FILIP1: variants seen among roughly 807,000 people sequenced by gnomAD.
FILIP1 encodes filamin A interacting protein 1, also known as filamin-A-interacting protein 1.
In FILIP1, 61 loss-of-function variants were observed where a neutral mutation model predicts 102.1. That is an observed-to-expected ratio of 0.60 (90% CI 0.49 to 0.74). The LOEUF (loss-of-function observed/expected upper bound fraction) is 0.74. Ranked by LOEUF, FILIP1 falls within the 30% of genes least tolerant of loss-of-function variation. The probability of loss-of-function intolerance (pLI) is 0.00; values close to 1 mark genes in which losing one functional copy is unlikely to be tolerated. For missense variants in FILIP1, 1,314 were observed against 1,441.2 expected (o/e 0.91, Z 1.43); for synonymous variants, 491 against 526.9 (o/e 0.93, Z 0.93).
chr6:75,348,594 T>G (rs1378175822), intron 4 of FILIP1, among the ~76,000 whole-genome samples: 1 of 152,224 alleles, frequency 6.6e-6, no homozygotes, highest in African/African-American at 2.4e-5. Flanking sequence ...CAAGATGAGT[T>G]AAGCAATTCC....
intron 2 of FILIP1, among the ~76,000 whole-genome samples, chr6:75,365,449 C>T (rs1348386887): frequency 3.3e-5 from 5 of 152,182 alleles, no homozygotes; most frequent in African/African-American, 1.2e-4. Flanking sequence ...TGGCTCACTG[C>T]AACCTCCACC....
intron 3 of FILIP1, among the ~76,000 whole-genome samples, chr6:75,362,446 C>T (rs1170939825): frequency 1.3e-5 from 2 of 152,172 alleles, no homozygotes; most frequent in African/African-American, 4.8e-5. Flanking sequence ...CAAATTTTTA[C>T]ACATATCATT....
intron 1 of FILIP1, among the ~76,000 whole-genome samples, chr6:75,432,341 T>C (rs1777851551): frequency 6.6e-6 from 1 of 152,230 alleles, no homozygotes; most frequent in African/African-American, 2.4e-5. Flanking sequence ...TATTGTTTCA[T>C]TGTTACTGAG....
At chr6:75,334,162 C>G (rs1315244201) in intron 4 of FILIP1, among the ~76,000 whole-genome samples, 1 of 152,142 alleles carries the variant, frequency 6.6e-6, no homozygotes, top group Non-Finnish European at 1.5e-5. Flanking sequence ...GATACATTTA[C>G]AGTATATAGA....
At chr6:75,383,259 G>C (rs780399260) in intron 2 of FILIP1, among the ~76,000 whole-genome samples, 33 of 152,108 alleles carry the variant, frequency 2.2e-4, no homozygotes, top group Non-Finnish European at 4.4e-4. Context: ...CTCAACTCTG[G>C]TGGAAATAGC....
chr6:75,297,572 G>GT (rs1772717706), intron 6 of FILIP1, among the ~76,000 whole-genome samples: 1 of 151,804 alleles, frequency 6.6e-6, no homozygotes, highest in African/African-American at 2.4e-5. Flanking sequence ...AAACCATCTC[G>GT]TTTTTTTCAT....
In FILIP1 at chr6:75,308,435, A is replaced by G. The variant is rs544508334; in HGVS notation, c.*256T>C. 31 of 1,288,120 alleles carry G rather than the reference A, an allele frequency of 2.4e-5. No homozygotes were observed. In the East Asian group the frequency reaches 5.6e-4, roughly 23 times the overall value. The allele number at this position is 1,288,120 out of a possible 1,614,324, so 79.8% of individuals were successfully genotyped here. A position where few individuals can be genotyped will look rare whatever the true frequency, so the allele number is the denominator to read the frequency against. Reference sequence around the variant, plus strand: ...CTCAGATGGGTCTATTGATGGGTCCACTTGCTAGAAGCAAAACTGGAACTA... The same window carrying G: ...CTCAGATGGGTCTATTGATGGGTCCGCTTGCTAGAAGCAAAACTGGAACTA... On this transcript the variant is annotated 3_prime_UTR_variant, in exon 6 of 6. Coordinates refer to ENST00000237172, the MANE Select transcript of FILIP1 (RefSeq NM_015687.5).
At chr6:75,327,239 C>T (rs1773894144) in intron 4 of FILIP1, among the ~76,000 whole-genome samples, 1 of 152,160 alleles carries the variant, frequency 6.6e-6, no homozygotes, top group African/African-American at 2.4e-5. Context: ...CAAATCTTGT[C>T]AATTCTGCTT....
chr6:75,298,835 T>A (rs1043635575), intron 6 of FILIP1, among the ~76,000 whole-genome samples: 1 of 152,084 alleles, frequency 6.6e-6, no homozygotes, highest in African/African-American at 2.4e-5. Flanking sequence ...GGAGAATAGC[T>A]TGAATCCAGG....
intron 1 of FILIP1, among the ~76,000 whole-genome samples, chr6:75,431,795 C>T (rs1777831613): frequency 6.6e-6 from 1 of 152,122 alleles, no homozygotes; most frequent in Admixed American, 6.5e-5. Context: ...TACACTTCTG[C>T]TCCAAGGGAA....
At chr6:75,368,733 G>A (rs1217422296) in intron 2 of FILIP1, among the ~76,000 whole-genome samples, 1 of 152,198 alleles carries the variant, frequency 6.6e-6, no homozygotes, top group Non-Finnish European at 1.5e-5. Flanking sequence ...AGATTTAAAT[G>A]CATGGGATGG....
intron 1 of FILIP1, among the ~76,000 whole-genome samples, chr6:75,446,562 T>A (rs555959195): frequency 6.6e-6 from 1 of 152,298 alleles, no homozygotes; most frequent in South Asian, 2.1e-4. Flanking sequence ...GTGGCTTCTT[T>A]AGTGGTAAAC....
chr6:75,424,895 C>T (rs529989947), intron 1 of FILIP1, among the ~76,000 whole-genome samples: 2 of 152,128 alleles, frequency 1.3e-5, no homozygotes, highest in African/African-American at 4.8e-5. Flanking sequence ...CCTGTACACA[C>T]GTCAACTATA....
intron 2 of FILIP1, among the ~76,000 whole-genome samples, chr6:75,380,867 C>T (rs1211449185): frequency 2.0e-5 from 3 of 152,230 alleles, no homozygotes; most frequent in Middle Eastern, 3.4e-3. Flanking sequence ...AAAATACCCA[C>T]CAAAATAGCC....
intron 2 of FILIP1, among the ~76,000 whole-genome samples, chr6:75,366,765 T>A (rs1283830031): frequency 1.3e-5 from 2 of 152,190 alleles, no homozygotes; most frequent in African/African-American, 4.8e-5. Flanking sequence ...CCTAACCAAA[T>A]ATAACGTGTA....
downstream of FILIP1, among the ~76,000 whole-genome samples, chr6:75,307,525 T>A (rs1293925772): frequency 6.6e-6 from 1 of 152,216 alleles, no homozygotes; most frequent in Non-Finnish European, 1.5e-5. Context: ...TGCTAAGCTG[T>A]GGGTTACTAG....
chr6:75,362,975 T>A, intron 2 of FILIP1, 58 bp from the exon 3 acceptor site: 1 of 1,531,412 alleles, frequency 6.5e-7, no homozygotes, highest in Non-Finnish European at 8.9e-7. Flanking sequence ...CATACTGGGC[T>A]CAAAAAATCA....
intron 1 of FILIP1, among the ~76,000 whole-genome samples, chr6:75,430,469 A>C (rs1006518317): frequency 2.0e-5 from 3 of 152,162 alleles, no homozygotes; most frequent in Non-Finnish European, 4.4e-5. Flanking sequence ...TCATATCAAA[A>C]AACAGAAAAA....
chr6:75,482,781 A>C (rs998625108), intron 1 of FILIP1, among the ~76,000 whole-genome samples: 1 of 152,252 alleles, frequency 6.6e-6, no homozygotes, highest in Non-Finnish European at 1.5e-5. Flanking sequence ...TGCCATGTTT[A>C]TCAAGGAAAC....
Sources: allele counts gnomAD v4.1 joint callset (sites outside exome capture counted in the v4.1 genomes callset), GRCh38; gene constraint gnomAD v4.1.1; transcripts MANE v1.5; gene names NCBI Gene and HGNC (gene_info 2026-07-23, HGNC 2026-07-21).